The following PPID variants were observed in gnomAD, a reference collection of about 807,000 sequenced individuals.
The protein encoded by PPID is peptidyl-prolyl cis-trans isomerase D.
Under a neutral mutation model 48.1 loss-of-function variants are expected in PPID, and 47 were observed. The ratio of observed to expected loss-of-function variants is 0.98; its 90% CI spans 0.77 to 1.25. The LOEUF (loss-of-function observed/expected upper bound fraction) is 1.25. PPID is among the 50% of genes most tolerant of loss of function. PPID has a pLI of 0.00. For missense variants in PPID, 429 were observed against 443.5 expected (o/e 0.97, Z 0.29); for synonymous variants, 163 against 148.8 (o/e 1.10, Z -0.69).
chr4:158,719,967 C>T (rs964811192), intron 2 of PPID, among the ~76,000 whole-genome samples: 6 of 152,142 alleles, frequency 3.9e-5, no homozygotes, highest in Non-Finnish European at 5.9e-5. Context: ...ATGCTTTCTC[C>T]GTCCCATGAA....
At chr4:158,720,192 G>GAAATGGTACA (rs1274331516) in intron 2 of PPID, among the ~76,000 whole-genome samples, 1 of 152,136 alleles carries the variant, frequency 6.6e-6, no homozygotes, top group Non-Finnish European at 1.5e-5. Flanking sequence ...TACTATTTAG[G>GAAATGGTACA]AAATGGTACA....
intron 3 of PPID, 83 bp from the exon 4 acceptor site, chr4:158,717,283 T>C: frequency 7.6e-7 from 1 of 1,316,392 alleles, no homozygotes; most frequent in Non-Finnish European, 1.0e-6. Flanking sequence ...GTTCTTTTAC[T>C]GAACATAAAA....
At chr4:158,716,162 G>C (rs1031832659) in intron 4 of PPID, among the ~76,000 whole-genome samples, 2 of 151,872 alleles carry the variant, frequency 1.3e-5, no homozygotes, top group African/African-American at 4.8e-5. Flanking sequence ...CTGGTCTCAA[G>C]TGATCCTCCC....
chr4:158,713,061 T>G, intron 7 of PPID, 58 bp downstream of exon 7: 1 of 1,554,628 alleles, frequency 6.4e-7, no homozygotes, highest in Non-Finnish European at 8.9e-7. Flanking sequence ...AAGTTGCTAC[T>G]ATTCAAACTA....
rs772400759 is a variant in PPID at position 158,713,232 on chromosome 4, C to G, written c.781G>C (p.Glu261Gln). 6 of 1,613,650 alleles carry G rather than the reference C, an allele frequency of 3.7e-6. No homozygotes were observed. Among genetic ancestry groups the G allele is most frequent in the Non-Finnish European group, 5.1e-6 (6 of 1,179,906 alleles). The part of the protein sequence containing the change: ...RYVDSSKAVI[E>Q]TADRAKLQPI... ...TGCAGCTTGGCTCTATCTGCTGTCTCAATAACAGCCTTTGAACTGTCCACG... is the reference window on the plus strand; with the variant it reads ...TGCAGCTTGGCTCTATCTGCTGTCTGAATAACAGCCTTTGAACTGTCCACG... The change falls in exon 7 of 10, where the codon GAG (glutamate) becomes CAG (glutamine). Residue 261 changes from glutamate to glutamine, a missense_variant. Transcript: ENST00000307720.
At chr4:158,721,102 G>A (rs1475503917) in intron 2 of PPID, among the ~76,000 whole-genome samples, 1 of 152,224 alleles carries the variant, frequency 6.6e-6, no homozygotes, top group Non-Finnish European at 1.5e-5. Context: ...ATCTTAGAGT[G>A]AAGGAGAATG....
At chr4:158,723,108 T>A in intron 1 of PPID, 96 bp downstream of exon 1, 1 of 1,268,388 alleles carries the variant, frequency 7.9e-7, no homozygotes, top group African/African-American at 1.5e-5. Flanking sequence ...AACTGAGCAG[T>A]CACCGGCCGG....
intron 2 of PPID, among the ~76,000 whole-genome samples, chr4:158,720,914 C>A (rs1774948055): frequency 6.6e-6 from 1 of 152,048 alleles, no homozygotes. Flanking sequence ...CGGGGTTTCA[C>A]CGCGTTAGCC....
rs1184758675 is a variant in PPID at position 158,709,218 on chromosome 4, C to T, written c.*518G>A. 4 of 153,106 alleles carry T rather than the reference C, an allele frequency of 2.6e-5. No homozygotes were observed. The highest frequency in any genetic ancestry group is 4.8e-5 in the African/African-American group (2 of 41,410). The allele number at this position is 153,106 out of a possible 1,614,324, so 9.5% of individuals were successfully genotyped here. ...ACCATTATTTTTTATGAATAATGCA[C>T]ATAACCATTTTAAAAAACATTTTAC... On this transcript the variant is annotated 3_prime_UTR_variant, in exon 10 of 10. Transcript: ENST00000307720.
rs532643192 is a variant in PPID, at chr4:158,717,608, A to G, written c.334-408T>C. Among the ~76,000 whole-genome samples, 4 of 152,322 alleles carry G rather than the reference A, an allele frequency of 2.6e-5. No individual in the cohort carries two copies. The East Asian group carries it at 7.7e-4, about 29-fold the overall frequency. ...TGATGAATGCTCTTTTTTTCTGGGA[A>G]GACCTGAACGGTCTTCCAAATTCAT... On this transcript the variant is annotated intron_variant, in intron 3 of 9. Transcript: ENST00000307720.
intron 1 of PPID, 64 bp from the exon 2 acceptor site, chr4:158,721,547 G>A: frequency 6.5e-7 from 1 of 1,549,706 alleles, no homozygotes; most frequent in Admixed American, 1.9e-5. Flanking sequence ...TAAAAAGAAG[G>A]TTGGTATAAT....
chr4:158,719,182 T>A lies in PPID; in HGVS notation c.331A>T (p.Lys111Ter). The A allele has an allele frequency of 6.4e-7, 1 of 1,567,234 alleles. No homozygotes were observed. The highest frequency in any genetic ancestry group is 8.8e-7 in the Non-Finnish European group (1 of 1,138,678). The change falls in exon 3 of 10, where the codon AAG becomes TAG. Residue 111 changes from lysine to a stop codon, truncating the protein, a stop_gained and splice_region_variant. Transcript: ENST00000307720. LOFTEE classifies it high-confidence loss of function. ...AACATGCATTTTCTCTACTTTACCT[T>A]GTAATGGAAATTTTCATCTTCAAAT... Reference protein sequence around the residue: ...EKFEDENFHYKHDREGLLSMA... With the variant: ...EKFEDENFHY
In PPID at chr4:158,715,365, GT is replaced by G. The variant is rs1386625884; in HGVS notation, c.683del (p.Asn228ThrfsTer23). ...GGGATTTGAAAAAAGTATTTCCAAT[GT>G]TTTTTAAGTCTTCTGTTATTAATAA... ...KILLITEDLKNIGNTFFKSQN... is the reference protein window; with the variant it reads ...KILLITEDLKXIGNTFFKSQN... On this transcript the variant is annotated frameshift_variant, in exon 6 of 10. Coordinates refer to ENST00000307720, the MANE Select transcript of PPID (RefSeq NM_005038.3). LOFTEE classifies it high-confidence loss of function. The G allele has an allele frequency of 3.2e-6, 5 of 1,539,008 alleles. No individual in the cohort carries two copies. The African/African-American group carries it at 7.0e-5, about 21-fold the overall frequency.
At position 158,709,742 on chromosome 4, in the gene PPID, A is replaced by G. The variant is rs1440045302; in HGVS notation, c.1107T>C (p.Phe369=). The change falls in exon 10 of 10, where the codon TTT becomes TTC. Residue 369 remains phenylalanine, a synonymous_variant. Coordinates refer to ENST00000307720, the MANE Select transcript of PPID (RefSeq NM_005038.3). ...AAGCAAAACTGAATCCTTTCTAAGC[A>G]AACATTTTTGCATATACTGCCTTCT... ...DKEKAVYAKM[F]A 2 of 1,601,704 alleles carry G rather than the reference A, an allele frequency of 1.2e-6. No homozygotes were observed. The highest frequency in any genetic ancestry group is 2.2e-5 in the South Asian group (2 of 90,216).
At chr4:158,714,258 CT>C (rs1320726817) in intron 6 of PPID, among the ~76,000 whole-genome samples, 1 of 152,180 alleles carries the variant, frequency 6.6e-6, no homozygotes, top group East Asian at 1.9e-4. Context: ...CTAACAAATG[CT>C]TGTGGCTGAC....
chr4:158,721,484 C>G lies in PPID; in HGVS notation c.86-1G>C. On this transcript the variant is annotated splice_acceptor_variant, in intron 1 of 9. Transcript: ENST00000307720. LOFTEE classifies it high-confidence loss of function. Reference sequence around the variant, plus strand: ...AACAATTCTAAGACAATTCGACCAACTAAAAGAAAAGAAAATCTTGTCAGT... The same window carrying G: ...AACAATTCTAAGACAATTCGACCAAGTAAAAGAAAAGAAAATCTTGTCAGT... 6.2e-7 allele frequency: 1 copy of G among 1,611,786 alleles called. No individual in the cohort carries two copies. The highest frequency in any genetic ancestry group is 8.5e-7 in the Non-Finnish European group (1 of 1,179,404).
chr4:158,717,428 A>C (rs1223515975), intron 3 of PPID, among the ~76,000 whole-genome samples: 2 of 152,224 alleles, frequency 1.3e-5, no homozygotes, highest in Non-Finnish European at 2.9e-5. Context: ...TAATCACTTT[A>C]AACTTTAAAA....
chr4:158,720,197 G>A (rs886409202), intron 2 of PPID, among the ~76,000 whole-genome samples: 3 of 152,122 alleles, frequency 2.0e-5, no homozygotes, highest in African/African-American at 7.2e-5. Flanking sequence ...TTTAGGAAAT[G>A]GTACAAGTGT....
chr4:158,723,128 C>T (rs1410979204), intron 1 of PPID, 76 bp downstream of exon 1: 7 of 1,429,558 alleles, frequency 4.9e-6, no homozygotes, highest in Non-Finnish European at 5.8e-6. Context: ...GAGCCGCATT[C>T]CGCCCTTGGA....
Sources: allele counts gnomAD v4.1 joint callset (sites outside exome capture counted in the v4.1 genomes callset), GRCh38; gene constraint gnomAD v4.1.1; transcripts MANE v1.5; gene names NCBI Gene and HGNC (gene_info 2026-07-23, HGNC 2026-07-21).